EVI5: variants seen among roughly 807,000 people sequenced by gnomAD.
The protein encoded by EVI5 is ecotropic viral integration site 5 protein homolog.
EVI5 carries 73 observed loss-of-function variants against 112.0 expected under a neutral mutation model. The observed-to-expected ratio is 0.65, with a 90% CI of 0.54 to 0.79. The LOEUF (loss-of-function observed/expected upper bound fraction) is 0.79, where lower values mean the gene tolerates loss of function less well. EVI5 is among the 30% of genes least tolerant of loss of function. The probability of loss-of-function intolerance (pLI) is 0.00; values close to 1 mark genes in which losing one functional copy is unlikely to be tolerated. For missense variants in EVI5, 900 were observed against 968.8 expected (o/e 0.93, Z 0.94); for synonymous variants, 305 against 319.9 (o/e 0.95, Z 0.50).
intron 18 of EVI5, among the ~76,000 whole-genome samples, chr1:92,579,202 T>C (rs1435083094): frequency 6.6e-6 from 1 of 152,316 alleles, no homozygotes; most frequent in East Asian, 1.9e-4. Context: ...TCTGTAGCAT[T>C]GGATGATCAG....
At chr1:92,788,196 G>A (rs542767685), upstream of EVI5, among the ~76,000 whole-genome samples, 12 of 152,206 alleles carry the variant, frequency 7.9e-5, no homozygotes, top group African/African-American at 1.2e-4. Context: ...GTGGCCGGGC[G>A]TAGTGGCTCA....
intron 1 of EVI5, 108 bp from the exon 2 acceptor site, chr1:92,736,735 C>A: frequency 1.3e-6 from 1 of 794,344 alleles, no homozygotes; most frequent in East Asian, 2.5e-5. Flanking sequence ...AGAATATTCT[C>A]TTTGAGGAAG....
intron 9 of EVI5, among the ~76,000 whole-genome samples, chr1:92,680,877 CTT>C (rs1667478032): frequency 6.6e-6 from 1 of 152,088 alleles, no homozygotes; most frequent in South Asian, 2.1e-4. Context: ...CCTGTACACT[CTT>C]TAAATATATC....
intron 13 of EVI5, among the ~76,000 whole-genome samples, chr1:92,651,838 G>T (rs1224280787): frequency 7.8e-6 from 1 of 128,352 alleles, no homozygotes; most frequent in Non-Finnish European, 1.6e-5. Context: ...GCGACAGAGC[G>T]AGACTCCGTC....
chr1:92,704,452 T>G, intron 3 of EVI5, 103 bp downstream of exon 3: 1 of 655,154 alleles, frequency 1.5e-6, no homozygotes. Flanking sequence ...CTTTAATATA[T>G]AGCTTGGAAG....
At position 92,636,201 on chromosome 1, in the gene EVI5, C is replaced by T. The variant is rs768970149; in HGVS notation, c.1527+1G>A. The stretch of plus-strand genomic sequence containing the variant: ...TGACTGCATTTGTGTAGGTTTCTTA[C>T]CTTCTCTATATCCAAGACTTTATCC... On this transcript the variant is annotated splice_donor_variant, in intron 14 of 19. Transcript: ENST00000684568. LOFTEE classifies it high-confidence loss of function. The T allele has an allele frequency of 1.9e-6, 3 of 1,609,774 alleles. No individual in the cohort carries two copies. Among genetic ancestry groups the T allele is most frequent in the Admixed American group, 3.4e-5 (2 of 59,370 alleles).
chr1:92,742,322 G>A (rs923837725), intron 1 of EVI5, among the ~76,000 whole-genome samples: 3 of 151,976 alleles, frequency 2.0e-5, no homozygotes, highest in African/African-American at 7.2e-5. Flanking sequence ...AGCCTCCTGA[G>A]TAGCTGGTAC....
chr1:92,583,025 T>C (rs186400793), intron 18 of EVI5, among the ~76,000 whole-genome samples: 427 of 152,264 alleles, frequency 2.8e-3, no homozygotes, highest in Admixed American at 4.9e-3. Context: ...ATACAATACA[T>C]ATACTCACAA....
At chr1:92,659,092 G>C (rs1385787467) in intron 13 of EVI5, among the ~76,000 whole-genome samples, 1 of 151,326 alleles carries the variant, frequency 6.6e-6, no homozygotes, top group African/African-American at 2.4e-5. Flanking sequence ...GGATTAAAGA[G>C]AAGGAAAAAA....
Position 92,563,690 on chromosome 1 carries a change from G to A in EVI5, c.2118C>T (p.Asn706=), listed in dbSNP as rs773619751. ...GATCTTTCAGTTCCCCAATATACTG[G>A]TTAGAATCAGACTTGTTAAGCTGTC... ...LQGQLNKSDS[N]QYIGELKDQI... is the part of the protein sequence containing the mutation. The change falls in exon 19 of 20, where the codon AAC becomes AAT. Residue 706 remains asparagine, a synonymous_variant. Transcript: ENST00000684568. 1 of 1,609,448 alleles carries A rather than the reference G, an allele frequency of 6.2e-7. No individual in the cohort carries two copies. The highest frequency in any genetic ancestry group is 8.5e-7 in the Non-Finnish European group (1 of 1,176,946).
Position 92,641,029 on chromosome 1 carries a change from T to A in EVI5, c.1393-4693A>T, listed in dbSNP as rs200583182. 8.5e-5 allele frequency among the ~76,000 whole-genome samples: 13 copies of A among 152,102 alleles called. No homozygotes were observed. The East Asian group carries it at 2.5e-3, about 29-fold the overall frequency. Reference sequence around the variant, plus strand: ...GTGGGAGCTGAGCAATGAGAACACATGGACACAGGGGAGAGAACAACACAC... The same window carrying A: ...GTGGGAGCTGAGCAATGAGAACACAAGGACACAGGGGAGAGAACAACACAC... On this transcript the variant is annotated intron_variant, in intron 13 of 19. Transcript: ENST00000684568.
rs201873069 is a variant in EVI5, at chr1:92,697,997, GA to G, written c.640-13del. On this transcript the variant is annotated splice_polypyrimidine_tract_variant and intron_variant, in intron 5 of 19. Coordinates refer to ENST00000684568, the MANE Select transcript of EVI5 (RefSeq NM_001350197.2). ...TCTTCTTCTGGCATCTACATTGGAA[GA>G]AAAAAAAACAACATAGGTTAATGTT... 5.1e-5 allele frequency: 80 copies of G among 1,557,938 alleles called. No homozygotes were observed. The highest frequency in any genetic ancestry group is 1.5e-4 in the Admixed American group (8 of 53,434).
intron 18 of EVI5, among the ~76,000 whole-genome samples, chr1:92,571,785 C>CT (rs1670356154): frequency 6.6e-6 from 1 of 152,142 alleles, no homozygotes; most frequent in Non-Finnish European, 1.5e-5. Context: ...ATGTCAACTA[C>CT]ACTAATAAAT....
intron 18 of EVI5, among the ~76,000 whole-genome samples, chr1:92,594,927 G>A (rs1647307302): frequency 6.6e-6 from 1 of 152,242 alleles, no homozygotes; most frequent in Non-Finnish European, 1.5e-5. Flanking sequence ...ACAGGTCCTG[G>A]AGAGGATGTG....
Position 92,589,768 on chromosome 1 carries a change from C to T in EVI5, c.2070+15539G>A, listed in dbSNP as rs187177181. On this transcript the variant is annotated intron_variant, in intron 18 of 19. Coordinates refer to ENST00000684568, the MANE Select transcript of EVI5 (RefSeq NM_001350197.2). Reference sequence around the variant, plus strand: ...TGTCTGACAGCTTTGAAGAGAGTAGCGGTTCTCCCAGCACGCAGCTTGAGA... The same window carrying T: ...TGTCTGACAGCTTTGAAGAGAGTAGTGGTTCTCCCAGCACGCAGCTTGAGA... 6.9e-3 allele frequency among the ~76,000 whole-genome samples: 1,044 copies of T among 152,254 alleles called. 11 individuals carry two copies. The highest frequency in any genetic ancestry group is 0.023 in the African/African-American group (956 of 41,546).
At chr1:92,646,053 A>G (rs1189932091) in intron 13 of EVI5, among the ~76,000 whole-genome samples, 1 of 152,206 alleles carries the variant, frequency 6.6e-6, no homozygotes, top group Non-Finnish European at 1.5e-5. Context: ...AATGGGTTCT[A>G]GCACAGGGAC....
chr1:92,663,343 T>C (rs1339157663), intron 12 of EVI5, 77 bp downstream of exon 12: 5 of 665,822 alleles, frequency 7.5e-6, no homozygotes, highest in Middle Eastern at 2.5e-4. Flanking sequence ...CATTAAAATA[T>C]GAATTTCGAG....
intron 1 of EVI5, among the ~76,000 whole-genome samples, chr1:92,753,982 A>G (rs1274977727): frequency 6.6e-6 from 1 of 152,226 alleles, no homozygotes; most frequent in Non-Finnish European, 1.5e-5. Flanking sequence ...CTGAAATGAA[A>G]GTCATCTAGG....
At chr1:92,677,353 T>C (rs575096951) in intron 9 of EVI5, 135 bp from the exon 10 acceptor site, 13 of 503,624 alleles carry the variant, frequency 2.6e-5, no homozygotes, top group South Asian at 1.4e-4. Context: ...TTGGAGATAT[T>C]TGATGTGAGA....
Sources: gnomAD v4.1 joint callset for allele counts (sites outside exome capture counted in the v4.1 genomes callset) on GRCh38, gnomAD v4.1.1 for gene constraint, MANE v1.5 for transcripts, NCBI Gene and HGNC (gene_info 2026-07-23, HGNC 2026-07-21) for gene names.